The following MYO9B variants were observed in gnomAD, a reference collection of about 807,000 sequenced individuals.
MYO9B encodes unconventional myosin-IXb.
MYO9B carries 71 observed loss-of-function variants against 229.5 expected under a neutral mutation model. The ratio of observed to expected loss-of-function variants is 0.31; its 90% CI spans 0.26 to 0.38. MYO9B has a LOEUF of 0.38. MYO9B is among the 10% of genes least tolerant of loss of function. The pLI is 1.00. For synonymous variants in MYO9B, 1,185 were observed against 1,235.8 expected (o/e 0.96, Z 0.86); for missense variants, 2,255 against 2,920.5 (o/e 0.77, Z 5.25).
intron 14 of MYO9B, among the ~76,000 whole-genome samples, chr19:17,178,630 A>C (rs1177744695): frequency 6.6e-6 from 1 of 152,218 alleles, no homozygotes; most frequent in East Asian, 1.9e-4. Flanking sequence ...ACACGGTATC[A>C]GTGCCAAAGT....
At chr19:17,082,256 G>A (rs77957566) in intron 1 of MYO9B, among the ~76,000 whole-genome samples, 6 of 152,192 alleles carry the variant, frequency 3.9e-5, no homozygotes, top group Non-Finnish European at 4.4e-5. Context: ...AGTGGGGTCT[G>A]TGAAGGTGCC....
At position 17,090,116 on chromosome 19, in the gene MYO9B, TCC is replaced by T. The variant is rs2057622725; in HGVS notation, c.-58-11543_-58-11542del. ...GTTATAGCATGAATCGGTGCTTCCT[TCC>T]TTTTTTTTTTTTTTTTTTTTTTTTT... On this transcript the variant is annotated intron_variant, in intron 1 of 39. Transcript: ENST00000682292. Among the ~76,000 whole-genome samples, 12 of 139,212 alleles carry T rather than the reference TCC, an allele frequency of 8.6e-5. No homozygotes were observed. In the South Asian group the frequency reaches 1.6e-3, roughly 19 times the overall value. 91.3% of individuals were successfully genotyped at this position (139,212 alleles called of 152,430 possible).
At chr19:17,184,691 T>C in intron 16 of MYO9B, 174 bp from the exon 17 acceptor site, 1 of 752,308 alleles carries the variant, frequency 1.3e-6, no homozygotes, top group African/African-American at 1.8e-5. Context: ...CAAACCCACC[T>C]CATTCCACTG....
chr19:17,173,108 T>G (rs930022300), intron 13 of MYO9B, 145 bp downstream of exon 13: 15 of 1,056,092 alleles, frequency 1.4e-5, no homozygotes, highest in Non-Finnish European at 1.9e-5. Context: ...AGTGTTCCTG[T>G]CACCCTGAAC....
chr19:17,090,029 C>G (rs190702172), intron 1 of MYO9B, among the ~76,000 whole-genome samples: 1 of 151,360 alleles, frequency 6.6e-6, no homozygotes, highest in Non-Finnish European at 1.5e-5. Flanking sequence ...GGAGTCACAC[C>G]CCATATGGTC....
intron 10 of MYO9B, among the ~76,000 whole-genome samples, chr19:17,166,053 T>G (rs1463720505): frequency 6.6e-6 from 1 of 152,128 alleles, no homozygotes; most frequent in Non-Finnish European, 1.5e-5. Flanking sequence ...TGATTTTTTT[T>G]TTTTCTTGAG....
chr19:17,174,501 A>G (rs112861150), intron 13 of MYO9B, among the ~76,000 whole-genome samples: 9,547 of 152,204 alleles, frequency 0.063, 390 homozygotes, highest in Non-Finnish European at 0.094. Flanking sequence ...CAGGCATGGT[A>G]GTGCATGCCT....
intron 35 of MYO9B, chr19:17,207,801 G>C (rs1033035668): frequency 6.6e-6 from 1 of 151,912 alleles, no homozygotes; most frequent in African/African-American, 2.4e-5. Flanking sequence ...ACCTGCGGTC[G>C]GGAGTTCGAG....
chr19:17,196,824 A>G (rs1031357782), intron 22 of MYO9B, among the ~76,000 whole-genome samples: 42 of 151,766 alleles, frequency 2.8e-4, no homozygotes, highest in Non-Finnish European at 4.6e-4. Context: ...GGGTGGGTGG[A>G]TGGATGGATG....
chr19:17,082,845 G>C (rs191083888), intron 1 of MYO9B, among the ~76,000 whole-genome samples: 1 of 152,064 alleles, frequency 6.6e-6, no homozygotes, highest in African/African-American at 2.4e-5. Flanking sequence ...AGAAGGTAAG[G>C]GTTGGGGTGT....
At chr19:17,180,523 G>A (rs2072846927) in intron 14 of MYO9B, 1 of 153,058 alleles carries the variant, frequency 6.5e-6, no homozygotes. Flanking sequence ...CTAACTTTTT[G>A]TATTTTTAGC....
chr19:17,084,709 CAAAAAAAAAA>C (rs903470342), intron 1 of MYO9B, among the ~76,000 whole-genome samples: 21 of 81,288 alleles, frequency 2.6e-4, no homozygotes, highest in Non-Finnish European at 4.9e-4. Context: ...ACTAAAAATA[CAAAAAAAAAA>C]AAAAAGAAAA....
intron 11 of MYO9B, among the ~76,000 whole-genome samples, chr19:17,169,217 C>T (rs1381928746): frequency 2.0e-5 from 3 of 151,988 alleles, no homozygotes; most frequent in Non-Finnish European, 4.4e-5. Context: ...ACTGAAAATA[C>T]AAAAATTAGC....
chr19:17,205,201 G>A (rs753347017), intron 30 of MYO9B, 62 bp from the exon 31 acceptor site: 11 of 1,425,756 alleles, frequency 7.7e-6, no homozygotes, highest in Admixed American at 1.8e-5. Flanking sequence ...AGCTGGGTGG[G>A]TGGCTGCAGG....
intron 16 of MYO9B, 115 bp downstream of exon 16, chr19:17,183,983 C>T: frequency 1.9e-6 from 2 of 1,044,608 alleles, no homozygotes; most frequent in Non-Finnish European, 2.8e-6. Flanking sequence ...CTATCTCCCC[C>T]TCCCTCCAAG....
intron 2 of MYO9B, among the ~76,000 whole-genome samples, chr19:17,127,330 A>T (rs1235232241): frequency 7.4e-5 from 10 of 134,690 alleles, no homozygotes; most frequent in African/African-American, 2.2e-4. Context: ...TTCTCCCCTA[A>T]GCATTTTTTT....
intron 1 of MYO9B, among the ~76,000 whole-genome samples, chr19:17,097,033 T>C (rs1385719162): frequency 6.6e-6 from 1 of 151,676 alleles, no homozygotes; most frequent in Non-Finnish European, 1.5e-5. Context: ...CCAGGTGTGG[T>C]GGCTCACGCT....
At chr19:17,099,247 A>T (rs2057721158) in intron 1 of MYO9B, 2 of 151,242 alleles carry the variant, frequency 1.3e-5, no homozygotes, top group Admixed American at 6.6e-5. Flanking sequence ...GGACTCCAGC[A>T]TGGTGATAGA....
At chr19:17,129,905 T>C (rs1448157658) in intron 2 of MYO9B, among the ~76,000 whole-genome samples, 1 of 152,158 alleles carries the variant, frequency 6.6e-6, no homozygotes, top group Non-Finnish European at 1.5e-5. Flanking sequence ...AGCCTCGACC[T>C]CCTGGACTCA....
Sources: allele counts gnomAD v4.1 joint callset (sites outside exome capture counted in the v4.1 genomes callset), GRCh38; gene constraint gnomAD v4.1.1; transcripts MANE v1.5; gene names NCBI Gene and HGNC (gene_info 2026-07-23, HGNC 2026-07-21).